GAN: variants seen among roughly 807,000 people sequenced by gnomAD.
The protein encoded by GAN is gigaxonin, also known as epididymis secretory sperm binding protein.
Under a neutral mutation model 71.3 loss-of-function variants are expected in GAN, and 48 were observed. That is an observed-to-expected ratio of 0.67 (90% CI 0.53 to 0.86). The LOEUF (loss-of-function observed/expected upper bound fraction) is 0.86. GAN is among the 40% of genes least tolerant of loss of function. The pLI is 0.00. For synonymous variants in GAN, 386 were observed against 276.8 expected (o/e 1.39, Z -3.92); for missense variants, 928 against 770.1 (o/e 1.21, Z -2.43).
intron 2 of GAN, among the ~76,000 whole-genome samples, chr16:81,353,499 C>T (rs74870458): frequency 6.6e-6 from 1 of 152,166 alleles, no homozygotes; most frequent in Non-Finnish European, 1.5e-5. Context: ...CTACTTTCCA[C>T]ATTTTTGTTG....
chr16:81,357,782 A>G (rs1251472534), intron 4 of GAN, 28 bp from the exon 5 acceptor site: 2 of 1,603,634 alleles, frequency 1.2e-6, no homozygotes, highest in East Asian at 2.2e-5. Context: ...AAGCACATTA[A>G]CTACTGATCA....
rs1904487354 is a variant in GAN at position 81,389,028 on chromosome 16, T to C, written c.*11432T>C. The C allele has an allele frequency of 6.6e-6, 1 of 152,214 alleles. No homozygotes were observed. The highest frequency in any genetic ancestry group is 6.5e-5 in the Admixed American group (1 of 15,276). The allele number at this position is 152,214 out of a possible 1,614,324, so 9.4% of individuals were successfully genotyped here. ...GGGCGGGCAAAAGGGTATCATCAGC[T>C]TAAGAAGTAAAGAAGTGAGCCTTCC... On this transcript the variant is annotated 3_prime_UTR_variant, in exon 11 of 11. Coordinates refer to ENST00000648994, the MANE Select transcript of GAN (RefSeq NM_022041.4).
chr16:81,362,461 C>A, intron 5 of GAN, 38 bp from the exon 6 acceptor site: 2 of 1,070,252 alleles, frequency 1.9e-6, no homozygotes, highest in Non-Finnish European at 2.9e-6. Context: ...GTGTTGAAGA[C>A]TCACATTTCA....
At chr16:81,357,779 T>C in intron 4 of GAN, 31 bp from the exon 5 acceptor site, 1 of 1,601,364 alleles carries the variant, frequency 6.2e-7, no homozygotes, top group Non-Finnish European at 8.6e-7. Context: ...ATGAAGCACA[T>C]TAACTACTGA....
intron 9 of GAN, among the ~76,000 whole-genome samples, chr16:81,375,004 A>G (rs1042020828): frequency 6.9e-6 from 1 of 144,940 alleles, no homozygotes; most frequent in Non-Finnish European, 1.5e-5. Flanking sequence ...GATAAAACTA[A>G]AAGTTCCAGA....
At position 81,358,849 on chromosome 16, in the gene GAN, G is replaced by A. The variant is rs1910577561; in HGVS notation, c.973+918G>A. Among the ~76,000 whole-genome samples, 3 of 152,186 alleles carry A rather than the reference G, an allele frequency of 2.0e-5. No individual in the cohort carries two copies. In the South Asian group the frequency reaches 6.2e-4, roughly 32 times the overall value. ...TCCTGCTCCCTTGTCCACCTGATAA[G>A]TGTCATCTCATGTCATCCTAATTGT... is the stretch of plus-strand genomic sequence containing the variant. On this transcript the variant is annotated intron_variant, in intron 5 of 10. Coordinates refer to ENST00000648994, the MANE Select transcript of GAN (RefSeq NM_022041.4).
intron 9 of GAN, among the ~76,000 whole-genome samples, chr16:81,368,349 A>G (rs899625637): frequency 1.3e-5 from 2 of 152,234 alleles, no homozygotes; most frequent in African/African-American, 4.8e-5. Flanking sequence ...CTATAATCCC[A>G]GAACTCTGGG....
rs1899868554 is a variant in GAN, at chr16:81,388,727, T to C, written c.*11131T>C. ...GACCCTCCGTGTGGGTCCTCCTCTGTCCCTTTGCAGCTCGCATTCGCCAGA... is the reference window on the plus strand; with the variant it reads ...GACCCTCCGTGTGGGTCCTCCTCTGCCCCTTTGCAGCTCGCATTCGCCAGA... On this transcript the variant is annotated 3_prime_UTR_variant, in exon 11 of 11. Transcript: ENST00000648994. 6.6e-6 allele frequency: 1 copy of C among 152,306 alleles called. No homozygotes were observed. The highest frequency in any genetic ancestry group is 2.4e-5 in the African/African-American group (1 of 41,466). 9.4% of individuals were successfully genotyped at this position (152,306 alleles called of 1,614,324 possible).
In GAN at chr16:81,314,962, G is replaced by A. The variant is rs1908970347; in HGVS notation, c.-152G>A. On this transcript the variant is annotated 5_prime_UTR_variant, in exon 1 of 11. Transcript: ENST00000648994. ...TAAAGGCGCCGGCCCAGCGCGCCGCGGATAGCACAGGCACGTCCCGGGGGC... is the reference window on the plus strand; with the variant it reads ...TAAAGGCGCCGGCCCAGCGCGCCGCAGATAGCACAGGCACGTCCCGGGGGC... The A allele has an allele frequency of 8.9e-6, 5 of 561,464 alleles. No homozygotes were observed. Among genetic ancestry groups the A allele is most frequent in the African/African-American group, 2.0e-5 (1 of 50,974 alleles). 34.8% of individuals were successfully genotyped at this position (561,464 alleles called of 1,614,324 possible). A position where few individuals can be genotyped will look rare whatever the true frequency, so the allele number is the denominator to read the frequency against.
At chr16:81,372,435 A>G (rs1911065942) in intron 9 of GAN, among the ~76,000 whole-genome samples, 1 of 152,234 alleles carries the variant, frequency 6.6e-6, no homozygotes, top group South Asian at 2.1e-4. Flanking sequence ...TAAATTGTTC[A>G]GGGTCGGTGA....
At chr16:81,377,156 C>A in intron 9 of GAN, 63 bp from the exon 10 acceptor site, 1 of 981,348 alleles carries the variant, frequency 1.0e-6, no homozygotes, top group Non-Finnish European at 1.7e-6. Flanking sequence ...CTGTGTCAGT[C>A]TTCCTAGATG....
At chr16:81,349,026 A>G (rs1910212274) in intron 1 of GAN, among the ~76,000 whole-genome samples, 1 of 152,154 alleles carries the variant, frequency 6.6e-6, no homozygotes, top group Non-Finnish European at 1.5e-5. Flanking sequence ...TCTCAGTTGT[A>G]TACTCTTCAA....
Position 81,354,513 on chromosome 16 carries a change from G to C in GAN, c.391G>C (p.Ala131Pro), listed in dbSNP as rs754860983. 6.2e-7 allele frequency: 1 copy of C among 1,614,000 alleles called. No individual in the cohort carries two copies. Among genetic ancestry groups the C allele is most frequent in the Admixed American group, 1.7e-5 (1 of 60,028 alleles). Residue 131 changes from alanine (A) to proline (P), a missense_variant, in exon 3 of 11, where the codon GCT (alanine) becomes CCT (proline). Physicochemically the swap from Ala to Pro is conservative, Grantham distance 27. Transcript: ENST00000648994. ...CCEFLEGCIA[A>P]ENCIGIRDFA... is the part of the protein sequence containing the mutation. ...TGAGTTTTTGGAAGGCTGCATTGCT[G>C]CTGAGAACTGTATTGGTATCCGTGA...
At chr16:81,376,592 T>C (rs1356300755) in intron 9 of GAN, among the ~76,000 whole-genome samples, 2 of 150,696 alleles carry the variant, frequency 1.3e-5, no homozygotes, top group Middle Eastern at 3.5e-3. Context: ...TATGTATGTA[T>C]AAGTATATAT....
chr16:81,356,736 T>C lies in GAN; in HGVS notation c.634-49T>C, dbSNP rs149511443. ...GAAAATGTAGATTCTAAAAATGATG[T>C]GTTGCATTTTCCATTGTTTTCGCCC... On this transcript the variant is annotated intron_variant, in intron 3 of 10. Coordinates refer to ENST00000648994, the MANE Select transcript of GAN (RefSeq NM_022041.4). The C allele has an allele frequency of 1.8e-4, 210 of 1,184,954 alleles. No homozygotes were observed. In the African/African-American group the frequency reaches 1.9e-3, roughly 11 times the overall value. 73.4% of individuals were successfully genotyped at this position (1,184,954 alleles called of 1,614,324 possible).
At chr16:81,337,009 A>G (rs79151499) in intron 1 of GAN, among the ~76,000 whole-genome samples, 2,818 of 152,086 alleles carry the variant, frequency 0.019, 50 homozygotes, top group East Asian at 0.081. Context: ...ATGGGTTTGG[A>G]CAAATGTGTC....
intron 1 of GAN, among the ~76,000 whole-genome samples, chr16:81,341,345 C>T (rs1909934822): frequency 1.3e-5 from 2 of 151,980 alleles, no homozygotes. Context: ...ATAGATTCAC[C>T]AAGGTTGAAA....
At chr16:81,333,924 T>C (rs955414195) in intron 1 of GAN, among the ~76,000 whole-genome samples, 8 of 152,216 alleles carry the variant, frequency 5.3e-5, no homozygotes, top group African/African-American at 1.9e-4. Flanking sequence ...TGTGCTGTCT[T>C]CCCTGCTTCA....
chr16:81,352,823 A>G lies in GAN; in HGVS notation c.282+1126A>G, dbSNP rs189929956. Among the ~76,000 whole-genome samples, 59 of 152,348 alleles carry G rather than the reference A, an allele frequency of 3.9e-4. 1 individual carries two copies. The East Asian group carries it at 8.3e-3, about 21-fold the overall frequency. Reference sequence around the variant, plus strand: ...CAGCCCAGAGATGCTCTGTAGCATCACATAACCAGGGCTAAGACCAACCTC... The same window carrying G: ...CAGCCCAGAGATGCTCTGTAGCATCGCATAACCAGGGCTAAGACCAACCTC... On this transcript the variant is annotated intron_variant, in intron 2 of 10. Transcript: ENST00000648994.
Sources: gnomAD v4.1 joint callset for allele counts (sites outside exome capture counted in the v4.1 genomes callset) on GRCh38, gnomAD v4.1.1 for gene constraint, MANE v1.5 for transcripts, NCBI Gene and HGNC (gene_info 2026-07-23, HGNC 2026-07-21) for gene names.